Variants in TMEM204 observed in about 807,000 individuals in gnomAD.
TMEM204 encodes the protein transmembrane protein 204, also known as claudin-like protein 24.
Under a neutral mutation model 19.4 loss-of-function variants are expected in TMEM204, and 15 were observed. That is an observed-to-expected ratio of 0.77 (90% CI 0.52 to 1.19). The LOEUF is 1.19. TMEM204 is among the 50% of genes most tolerant of loss of function. The pLI, the probability that TMEM204 is intolerant of heterozygous loss-of-function variation, is 0.00. For synonymous variants in TMEM204, 161 were observed against 146.0 expected (o/e 1.10, Z -0.74); for missense variants, 287 against 321.2 (o/e 0.89, Z 0.81).
chr16:1,550,920 G>C (rs1430508578), intron 2 of TMEM204, among the ~76,000 whole-genome samples: 2 of 152,184 alleles, frequency 1.3e-5, no homozygotes, highest in African/African-American at 2.4e-5. Context: ...TTGAGTACAG[G>C]GCCACGTAGC....
chr16:1,538,435 G>A (rs2031297453), intron 1 of TMEM204, among the ~76,000 whole-genome samples: 1 of 152,208 alleles, frequency 6.6e-6, no homozygotes, highest in Non-Finnish European at 1.5e-5. Context: ...ACGTGCAGCT[G>A]TGCCTGGTGC....
chr16:1,533,079 G>A (rs919710732), upstream of TMEM204: 5 of 150,964 alleles, frequency 3.3e-5, no homozygotes, highest in African/African-American at 1.2e-4. The surrounding 1 kb of genome is among the most constrained non-coding windows in gnomAD (Gnocchi z 4.7). Context: ...TGGCCCCGAG[G>A]TCCTCCAAGT....
chr16:1,550,859 C>T (rs866202184), intron 2 of TMEM204, among the ~76,000 whole-genome samples: 6 of 152,262 alleles, frequency 3.9e-5, no homozygotes, highest in Non-Finnish European at 7.3e-5. Context: ...CTGTGGCTGA[C>T]GCTGACCCTA....
Position 1,543,207 on chromosome 16 carries a change from C to G in TMEM204, c.436+1131C>G, listed in dbSNP as rs368767810. On this transcript the variant is annotated intron_variant, in intron 2 of 2. Coordinates refer to ENST00000566264, the MANE Select transcript of TMEM204 (RefSeq NM_024600.6). ...CTGCCCGCACCCTCCTTCTCCTCCT[C>G]GAGGCCGGTGCAGCGTTCTGCAGGT... 3.3e-5 allele frequency among the ~76,000 whole-genome samples: 5 copies of G among 152,380 alleles called. No individual in the cohort carries two copies. The South Asian group carries it at 1.0e-3, about 32-fold the overall frequency.
chr16:1,553,572 A>G lies in TMEM204; in HGVS notation c.437-1210A>G. ...GGGGCTGGAGAGTTTAATCTGGACC[A>G]GTGTAAGTTACAGAGAGTCTCTGGC... On this transcript the variant is annotated intron_variant, in intron 2 of 2. Coordinates refer to ENST00000566264, the MANE Select transcript of TMEM204 (RefSeq NM_024600.6). The surrounding 1 kb of genome is among the most constrained non-coding windows in gnomAD (Gnocchi z 4.4). The G allele has an allele frequency of 9.9e-7, 1 of 1,011,878 alleles. No individual in the cohort carries two copies. Among genetic ancestry groups the G allele is most frequent in the Non-Finnish European group, 1.2e-6 (1 of 844,822 alleles). The allele number at this position is 1,011,878 out of a possible 1,614,324, so 62.7% of individuals were successfully genotyped here.
chr16:1,537,689 G>C (rs897493829), intron 1 of TMEM204, among the ~76,000 whole-genome samples: 1 of 152,224 alleles, frequency 6.6e-6, no homozygotes, highest in Non-Finnish European at 1.5e-5. Context: ...ACTTCGTCTC[G>C]TTTTGGATAT....
Position 1,554,768 on chromosome 16 carries a change from T to C in TMEM204, c.437-14T>C. 6.2e-7 allele frequency: 1 copy of C among 1,613,514 alleles called. No homozygotes were observed. On this transcript the variant is annotated splice_polypyrimidine_tract_variant and intron_variant, in intron 2 of 2. Transcript: ENST00000566264. ...CTCTCAGACAAGGCCTCTCAACCCT[T>C]CTCTCATCTGCAGGTTTTGTCCTGG...
intron 1 of TMEM204, chr16:1,541,123 G>A (rs574597537): frequency 5.1e-6 from 5 of 985,412 alleles, no homozygotes; most frequent in East Asian, 2.3e-4. Flanking sequence ...CCCTGACCAC[G>A]CATCCATGTG....
At chr16:1,529,580 G>T (rs560158762), upstream of TMEM204, among the ~76,000 whole-genome samples, 1 of 152,220 alleles carries the variant, frequency 6.6e-6, no homozygotes, top group Non-Finnish European at 1.5e-5. Context: ...CACAGGGAGA[G>T]GCCTGAGCAC....
At chr16:1,548,065 G>T (rs1352850326) in intron 2 of TMEM204, among the ~76,000 whole-genome samples, 1 of 152,156 alleles carries the variant, frequency 6.6e-6, no homozygotes, top group East Asian at 1.9e-4. Context: ...TTCCAACTTT[G>T]GCTGTTGAGA....
At chr16:1,537,409 C>G (rs1276099487) in intron 1 of TMEM204, among the ~76,000 whole-genome samples, 1 of 152,246 alleles carries the variant, frequency 6.6e-6, no homozygotes, top group Non-Finnish European at 1.5e-5. Flanking sequence ...TCACCAGGAG[C>G]CTGCCTGAGG....
chr16:1,550,003 C>A (rs2032501210), intron 2 of TMEM204, among the ~76,000 whole-genome samples: 1 of 152,124 alleles, frequency 6.6e-6, no homozygotes, highest in South Asian at 2.1e-4. Flanking sequence ...GTCGCCCAGG[C>A]TGAGTGCAAT....
chr16:1,551,912 G>A lies in TMEM204; in HGVS notation c.437-2870G>A, dbSNP rs1180290829. Among the ~76,000 whole-genome samples, 5 of 152,156 alleles carry A rather than the reference G, an allele frequency of 3.3e-5. No individual in the cohort carries two copies. The highest frequency in any genetic ancestry group is 7.2e-5 in the African/African-American group (3 of 41,424). On this transcript the variant is annotated intron_variant, in intron 2 of 2. Coordinates refer to ENST00000566264, the MANE Select transcript of TMEM204 (RefSeq NM_024600.6). The surrounding 1 kb of genome is among the most constrained non-coding windows in gnomAD (Gnocchi z 4.0). ...CTGTGCACTCAGAAGCCTCCCGGGT[G>A]TGTCCCTGGTGATGTCCCCGGGGCC...
At chr16:1,546,929 G>A (rs952365351) in intron 2 of TMEM204, among the ~76,000 whole-genome samples, 2 of 152,244 alleles carry the variant, frequency 1.3e-5, no homozygotes, top group Non-Finnish European at 2.9e-5. Context: ...TCGTGGCCAT[G>A]CAATGGGGTC....
chr16:1,548,140 C>T lies in TMEM204; in HGVS notation c.436+6064C>T, dbSNP rs562250797. ...CTCTAGAGAGGATTGTTTGGGTCAC[C>T]GTCATCTTGTTGCTCACAGGTGGGA... On this transcript the variant is annotated intron_variant, in intron 2 of 2. Transcript: ENST00000566264. 6.6e-5 allele frequency among the ~76,000 whole-genome samples: 10 copies of T among 152,356 alleles called. No homozygotes were observed. The South Asian group carries it at 1.2e-3, about 19-fold the overall frequency.
rs2030865817 is a variant in TMEM204, at chr16:1,534,570, T to C, written c.280+15T>C. On this transcript the variant is annotated intron_variant, in intron 1 of 2. Coordinates refer to ENST00000566264, the MANE Select transcript of TMEM204 (RefSeq NM_024600.6). The stretch of plus-strand genomic sequence containing the variant: ...CACCGTCAAACGTAAGTCCAATTGT[T>C]TTCCTGATGCCTTCAGCGTGGCCGA... The C allele has an allele frequency of 6.2e-7, 1 of 1,600,496 alleles. No individual in the cohort carries two copies. Among genetic ancestry groups the C allele is most frequent in the East Asian group, 2.2e-5 (1 of 44,868 alleles).
At chr16:1,543,047 T>C (rs768296697) in intron 2 of TMEM204, among the ~76,000 whole-genome samples, 4 of 152,242 alleles carry the variant, frequency 2.6e-5, no homozygotes, top group Admixed American at 6.5e-5. Context: ...ACTGAGAGGT[T>C]TGAAGACTGT....
intron 1 of TMEM204, among the ~76,000 whole-genome samples, chr16:1,539,074 G>C (rs1392179877): frequency 2.0e-5 from 3 of 150,920 alleles, no homozygotes; most frequent in Non-Finnish European, 2.9e-5. Context: ...GCCTCAGCAA[G>C]CTGCACAGTG....
intron 2 of TMEM204, among the ~76,000 whole-genome samples, chr16:1,548,782 G>A (rs897865049): frequency 6.6e-5 from 10 of 152,230 alleles, no homozygotes; most frequent in Non-Finnish European, 1.0e-4. Flanking sequence ...AGCGCAGTGC[G>A]ATCATGCAGC....
Sources: allele counts gnomAD v4.1 joint callset (sites outside exome capture counted in the v4.1 genomes callset), GRCh38; gene constraint gnomAD v4.1.1; non-coding constraint Gnocchi (gnomAD v3.1); transcripts MANE v1.5; gene names NCBI Gene and HGNC (gene_info 2026-07-23, HGNC 2026-07-21).